INPP4B: variants seen among roughly 807,000 people sequenced by gnomAD.
INPP4B encodes inositol polyphosphate-4-phosphatase type II B.
Under a neutral mutation model 122.5 loss-of-function variants are expected in INPP4B, and 55 were observed. That is an observed-to-expected ratio of 0.45 (90% CI 0.36 to 0.56). The LOEUF (loss-of-function observed/expected upper bound fraction) is 0.56. Among genes scored for constraint, INPP4B ranks in the 20% least tolerant of loss-of-function variants. The pLI is 0.00. For synonymous variants in INPP4B, 403 were observed against 388.7 expected (o/e 1.04, Z -0.43); for missense variants, 1,000 against 1,097.7 (o/e 0.91, Z 1.26).
intron 7 of INPP4B, among the ~76,000 whole-genome samples, chr4:142,401,807 T>C (rs1293590461): frequency 1.3e-5 from 2 of 152,232 alleles, no homozygotes; most frequent in Non-Finnish European, 2.9e-5. Flanking sequence ...TTAAGAATTG[T>C]ACCAGATAGC....
intron 7 of INPP4B, among the ~76,000 whole-genome samples, chr4:142,365,260 AAAAT>A (rs1787012588): frequency 6.6e-6 from 1 of 152,160 alleles, no homozygotes; most frequent in Non-Finnish European, 1.5e-5. Flanking sequence ...GGGCTTGTAA[AAAAT>A]AAAAGCATTT....
At chr4:142,577,705 T>C (rs1057410535) in intron 2 of INPP4B, among the ~76,000 whole-genome samples, 3 of 152,024 alleles carry the variant, frequency 2.0e-5, no homozygotes, top group African/African-American at 7.2e-5. Flanking sequence ...ATTTTTAGAA[T>C]TGAGTTTGCT....
rs1347699206 is a variant in INPP4B, at chr4:142,806,760, G to GAAA, written c.-254+39446_-254+39448dup. Among the ~76,000 whole-genome samples, 42 of 58,952 alleles carry GAAA rather than the reference G, an allele frequency of 7.1e-4. 3 individuals are homozygous for GAAA. The highest frequency in any genetic ancestry group is 1.2e-3 in the Admixed American group (6 of 5,092). 38.7% of individuals were successfully genotyped at this position (58,952 alleles called of 152,430 possible). On this transcript the variant is annotated intron_variant, in intron 1 of 25. Transcript: ENST00000262992. Reference sequence around the variant, plus strand: ...CCCTGTTAAAAAAAAAGAAGAAGAAGAAAGAAGAAAGAAAGAAAGAAAGAA... The same window carrying GAAA: ...CCCTGTTAAAAAAAAAGAAGAAGAAGAAAAAAGAAGAAAGAAAGAAAGAAAGAA...
At chr4:142,033,770 G>A (rs1741982181) in intron 25 of INPP4B, among the ~76,000 whole-genome samples, 1 of 150,442 alleles carries the variant, frequency 6.6e-6, no homozygotes, top group South Asian at 2.1e-4. Flanking sequence ...GCTCAAGTGA[G>A]CCTCCCATCT....
At chr4:142,253,287 T>C (rs79651520) in intron 11 of INPP4B, among the ~76,000 whole-genome samples, 4 of 152,304 alleles carry the variant, frequency 2.6e-5, no homozygotes, top group South Asian at 4.1e-4. Context: ...TGGTAAACAG[T>C]GTATGCATAG....
rs556302731 is a variant in INPP4B at position 142,211,020 on chromosome 4, C to T, written c.837-1994G>A. The stretch of plus-strand genomic sequence containing the variant: ...TGTATTGCACTCTTCCATTATGCCA[C>T]AATTTATACAGAGAAGTATACTGAT... On this transcript the variant is annotated intron_variant, in intron 12 of 25. Transcript: ENST00000262992. 3.2e-4 allele frequency among the ~76,000 whole-genome samples: 48 copies of T among 152,270 alleles called. No individual in the cohort carries two copies. In the South Asian group the frequency reaches 9.7e-3, roughly 31 times the overall value.
intron 3 of INPP4B, among the ~76,000 whole-genome samples, chr4:142,450,070 A>T (rs768414879): frequency 5.3e-5 from 8 of 152,008 alleles, no homozygotes; most frequent in Non-Finnish European, 7.4e-5. Context: ...CCTCTTTGTG[A>T]TGGACCCTTG....
chr4:142,310,809 C>A (rs1765253417), intron 8 of INPP4B, among the ~76,000 whole-genome samples: 1 of 151,610 alleles, frequency 6.6e-6, no homozygotes, highest in Admixed American at 6.6e-5. Flanking sequence ...GGGAAGAAAT[C>A]TATTAAAAGT....
At chr4:142,071,801 C>G (rs1480642077) in intron 25 of INPP4B, among the ~76,000 whole-genome samples, 1 of 152,192 alleles carries the variant, frequency 6.6e-6, no homozygotes. Flanking sequence ...CATCTCACAC[C>G]AGTTACAATG....
chr4:142,467,258 T>C (rs1316819730), intron 2 of INPP4B, among the ~76,000 whole-genome samples: 2 of 152,186 alleles, frequency 1.3e-5, no homozygotes, highest in African/African-American at 4.8e-5. Context: ...CACTCAATTC[T>C]AGCCTAGGAG....
At chr4:142,752,059 T>A (rs1561030203) in intron 1 of INPP4B, among the ~76,000 whole-genome samples, 1 of 152,036 alleles carries the variant, frequency 6.6e-6, no homozygotes, top group Admixed American at 6.6e-5. Flanking sequence ...CCTTGTAATA[T>A]ATAAAGCTAA....
chr4:142,145,184 C>T (rs1810026457), intron 18 of INPP4B, among the ~76,000 whole-genome samples: 2 of 152,056 alleles, frequency 1.3e-5, no homozygotes, highest in Admixed American at 6.6e-5. Context: ...TCTAGCCAAC[C>T]TTGTAATAAG....
At chr4:142,739,707 A>T (rs1767620686) in intron 1 of INPP4B, among the ~76,000 whole-genome samples, 1 of 152,034 alleles carries the variant, frequency 6.6e-6, no homozygotes, top group Admixed American at 6.6e-5. Context: ...GCATCAATGC[A>T]GGAGGCTCCA....
intron 2 of INPP4B, among the ~76,000 whole-genome samples, chr4:142,568,533 T>A (rs1732132968): frequency 6.6e-6 from 1 of 152,206 alleles, no homozygotes; most frequent in Non-Finnish European, 1.5e-5. Flanking sequence ...TTATTTTATA[T>A]CATGTACATA....
intron 2 of INPP4B, among the ~76,000 whole-genome samples, chr4:142,638,322 G>C (rs554229011): frequency 1.3e-5 from 2 of 152,064 alleles, no homozygotes; most frequent in East Asian, 3.9e-4. Context: ...TTTATAGTTT[G>C]GCATTTTACA....
intron 14 of INPP4B, among the ~76,000 whole-genome samples, chr4:142,203,677 G>T (rs1263417408): frequency 6.6e-6 from 1 of 152,032 alleles, no homozygotes; most frequent in Non-Finnish European, 1.5e-5. Context: ...CCATTTGTCA[G>T]TATGAGACAT....
At chr4:142,285,407 T>C (rs1753090615) in intron 9 of INPP4B, among the ~76,000 whole-genome samples, 1 of 56,642 alleles carries the variant, frequency 1.8e-5, no homozygotes, top group Non-Finnish European at 2.9e-5. Flanking sequence ...TCAGACATGG[T>C]ATATCTGAGG....
chr4:142,771,001 G>C (rs1378527929), intron 1 of INPP4B, among the ~76,000 whole-genome samples: 5 of 152,162 alleles, frequency 3.3e-5, no homozygotes, highest in African/African-American at 1.2e-4. Context: ...TAGTTGGAAA[G>C]TGCGGGTAAC....
chr4:142,593,989 T>A (rs1350555149), intron 2 of INPP4B, among the ~76,000 whole-genome samples: 1 of 152,178 alleles, frequency 6.6e-6, no homozygotes, highest in East Asian at 1.9e-4. Flanking sequence ...TTCTTAATTC[T>A]TTTTAATAAC....
Sources: gnomAD v4.1 joint callset for allele counts (sites outside exome capture counted in the v4.1 genomes callset) on GRCh38, gnomAD v4.1.1 for gene constraint, MANE v1.5 for transcripts, NCBI Gene and HGNC (gene_info 2026-07-23, HGNC 2026-07-21) for gene names.